The following EMP2 variants were observed in gnomAD, a reference collection of about 807,000 sequenced individuals.
EMP2 encodes the protein epithelial membrane protein 2.
In EMP2, 19 loss-of-function variants were observed where a neutral mutation model predicts 13.7. That is an observed-to-expected ratio of 1.38 (90% CI 0.97 to 2.03). The LOEUF is 2.03. Ranked by LOEUF, EMP2 falls within the 30% of genes most tolerant of loss-of-function variation. The pLI, the probability that EMP2 is intolerant of heterozygous loss-of-function variation, is 0.00. For missense variants in EMP2, 253 were observed against 220.7 expected (o/e 1.15, Z -0.93); for synonymous variants, 97 against 84.7 (o/e 1.15, Z -0.80).
chr16:10,575,904 G>A (rs1336975211), intron 1 of EMP2, among the ~76,000 whole-genome samples: 1 of 152,028 alleles, frequency 6.6e-6, no homozygotes, highest in Non-Finnish European at 1.5e-5. Context: ...TGCAAAAGAA[G>A]GGCTTGGTCT....
At chr16:10,565,490 G>T (rs1311455047) in intron 1 of EMP2, among the ~76,000 whole-genome samples, 1 of 152,192 alleles carries the variant, frequency 6.6e-6, no homozygotes, top group African/African-American at 2.4e-5. Flanking sequence ...CAAGCCTGCT[G>T]GCCCGCCCTG....
In EMP2 at chr16:10,543,561, C is replaced by G. The variant is rs2089185; in HGVS notation, c.169+9G>C. On this transcript the variant is annotated intron_variant, in intron 3 of 4. Coordinates refer to ENST00000359543, the MANE Select transcript of EMP2 (RefSeq NM_001424.6). ...TGCTTCTCAGTCAGCTTCCTTCATT[C>G]ACACTTACCTTGAAAGCTGTCATTG... The G allele has an allele frequency of 0.067, 108,919 of 1,613,728 alleles. 6,531 individuals are homozygous for G. The highest frequency in any genetic ancestry group is 0.3 in the African/African-American group (22,570 of 74,992).
intron 1 of EMP2, among the ~76,000 whole-genome samples, chr16:10,557,604 T>C (rs201183247): frequency 4.6e-5 from 7 of 152,172 alleles, no homozygotes; most frequent in Non-Finnish European, 8.8e-5. Context: ...TGAATCACTT[T>C]TTCTGAGTAT....
intron 1 of EMP2, among the ~76,000 whole-genome samples, chr16:10,571,186 G>C (rs13337763): frequency 0.29 from 43,275 of 148,270 alleles, 7,317 homozygotes; most frequent in East Asian, 0.49. Context: ...GAACCAGGGA[G>C]TCGGCGGCTG....
chr16:10,574,532 G>A (rs1390699869), intron 1 of EMP2, among the ~76,000 whole-genome samples: 3 of 151,612 alleles, frequency 2.0e-5, no homozygotes, highest in South Asian at 2.1e-4. Context: ...GTCCCTGCTC[G>A]CAATCTCTGC....
Position 10,538,097 on chromosome 16 carries a change from C to T in EMP2, c.170-23G>A, listed in dbSNP as rs1406774533. The T allele has an allele frequency of 3.1e-6, 5 of 1,611,368 alleles. No homozygotes were observed. In the South Asian group the frequency reaches 3.3e-5, roughly 11 times the overall value. On this transcript the variant is annotated intron_variant, in intron 3 of 4. Coordinates refer to ENST00000359543, the MANE Select transcript of EMP2 (RefSeq NM_001424.6). ...ACTCTGCGGGAAAAGGGCAGGGGCGCAGGACTGAGGACCTTGGCCAGCCGG... is the reference window on the plus strand; with the variant it reads ...ACTCTGCGGGAAAAGGGCAGGGGCGTAGGACTGAGGACCTTGGCCAGCCGG...
intron 1 of EMP2, among the ~76,000 whole-genome samples, chr16:10,559,943 G>C (rs745461255): frequency 2.6e-5 from 4 of 152,124 alleles, no homozygotes; most frequent in Non-Finnish European, 5.9e-5. Flanking sequence ...CCAAAGTCCT[G>C]GGATTACAGG....
rs771240228 is a variant in EMP2 at position 10,533,059 on chromosome 16, G to A, written c.350C>T (p.Thr117Ile). 6.2e-7 allele frequency: 1 copy of A among 1,603,028 alleles called. No homozygotes were observed. Among genetic ancestry groups the A allele is most frequent in the Non-Finnish European group, 8.5e-7 (1 of 1,174,712 alleles). The change falls in exon 5 of 5, where the codon ACA (threonine) becomes ATA (isoleucine). Residue 117 changes from threonine (T) to isoleucine (I), a missense_variant. Transcript: ENST00000359543. ...LCVMIAASIY[T>I]DRREDIHDKN... ...GTCGTGAATGTCTTCACGCCTGTCT[G>A]TATAAATGGAGGCCGCAATCATGAC...
At chr16:10,572,379 C>A (rs1013336984) in intron 1 of EMP2, among the ~76,000 whole-genome samples, 6 of 151,824 alleles carry the variant, frequency 4.0e-5, no homozygotes, top group Admixed American at 6.6e-5. Flanking sequence ...CCCAGGTGTT[C>A]GCGGCTGCCG....
intron 1 of EMP2, among the ~76,000 whole-genome samples, chr16:10,567,891 C>T (rs1168435716): frequency 6.6e-6 from 1 of 152,202 alleles, no homozygotes; most frequent in Non-Finnish European, 1.5e-5. Context: ...CTTGGGTTCA[C>T]TGCAATCCCC....
chr16:10,537,856 C>T, intron 4 of EMP2, 72 bp downstream of exon 4: 1 of 1,577,982 alleles, frequency 6.3e-7, no homozygotes, highest in South Asian at 1.2e-5. Context: ...TCCTGGCTTC[C>T]CTCCTGGCGG....
intron 1 of EMP2, among the ~76,000 whole-genome samples, chr16:10,553,375 C>T (rs1286295961): frequency 1.3e-5 from 2 of 152,236 alleles, no homozygotes; most frequent in Non-Finnish European, 2.9e-5. Context: ...CTCTCTGCCT[C>T]GTCCCGCCCC....
intron 1 of EMP2, among the ~76,000 whole-genome samples, chr16:10,557,494 C>G (rs1335071034): frequency 2.0e-5 from 3 of 152,228 alleles, no homozygotes; most frequent in South Asian, 2.1e-4. Flanking sequence ...AACTTTGAGA[C>G]TGGTTTGGAT....
intron 3 of EMP2, among the ~76,000 whole-genome samples, chr16:10,539,044 A>T (rs1023671680): frequency 6.6e-6 from 1 of 151,744 alleles, no homozygotes; most frequent in Non-Finnish European, 1.5e-5. Flanking sequence ...TAAAATGGGG[A>T]TACTAATAGC....
At chr16:10,539,652 C>T (rs934410758) in intron 3 of EMP2, among the ~76,000 whole-genome samples, 5 of 151,940 alleles carry the variant, frequency 3.3e-5, no homozygotes, top group Admixed American at 6.6e-5. Flanking sequence ...ATACAATTGT[C>T]AAAACCCACC....
chr16:10,561,500 A>AG (rs1238979327), intron 1 of EMP2, among the ~76,000 whole-genome samples: 6 of 152,140 alleles, frequency 3.9e-5, no homozygotes, highest in African/African-American at 7.2e-5. Flanking sequence ...CAGAGGTGGG[A>AG]GGGCAACCAA....
intron 1 of EMP2, among the ~76,000 whole-genome samples, chr16:10,576,289 G>C (rs539129095): frequency 2.0e-5 from 3 of 152,056 alleles, no homozygotes; most frequent in Admixed American, 2.0e-4. Flanking sequence ...ACATTCATAA[G>C]ATCAACAAAA....
At chr16:10,541,870 G>C (rs2050702165) in intron 3 of EMP2, among the ~76,000 whole-genome samples, 1 of 152,082 alleles carries the variant, frequency 6.6e-6, no homozygotes, top group South Asian at 2.1e-4. Context: ...TGCCTGATGG[G>C]GCTATGAGAT....
rs546133518 is a variant in EMP2, at chr16:10,536,756, G to C, written c.316+1172C>G. Among the ~76,000 whole-genome samples, 41 of 152,268 alleles carry C rather than the reference G, an allele frequency of 2.7e-4. No individual in the cohort carries two copies. In the South Asian group the frequency reaches 8.5e-3, roughly 32 times the overall value. ...CCACTCCAGCCTCCCAAGTAGCTGG[G>C]ACTACAGGTGTGCTCTGCCATGCTT... is the stretch of plus-strand genomic sequence containing the variant. On this transcript the variant is annotated intron_variant, in intron 4 of 4. Coordinates refer to ENST00000359543, the MANE Select transcript of EMP2 (RefSeq NM_001424.6).
Sources: gnomAD v4.1 joint callset for allele counts (sites outside exome capture counted in the v4.1 genomes callset) on GRCh38, gnomAD v4.1.1 for gene constraint, MANE v1.5 for transcripts, NCBI Gene and HGNC (gene_info 2026-07-23, HGNC 2026-07-21) for gene names.